The following DISC1 variants were observed in gnomAD, a reference collection of about 807,000 sequenced individuals.
The protein encoded by DISC1 is disrupted in schizophrenia 1 protein.
A neutral mutation model predicts 84.5 loss-of-function variants in DISC1; 57 were observed. The observed-to-expected ratio is 0.67, with a 90% CI of 0.55 to 0.84. The LOEUF (loss-of-function observed/expected upper bound fraction) is 0.84, where lower values mean the gene tolerates loss of function less well. DISC1 is among the 40% of genes least tolerant of loss of function. The probability of loss-of-function intolerance (pLI) is 0.00; values close to 1 mark genes in which losing one functional copy is unlikely to be tolerated. For synonymous variants in DISC1, 411 were observed against 415.2 expected (o/e 0.99, Z 0.12); for missense variants, 1,000 against 1,057.8 (o/e 0.95, Z 0.76).
chr1:231,795,489 G>A (rs902074086), intron 7 of DISC1, among the ~76,000 whole-genome samples, 193 bp downstream of exon 7: 5 of 152,192 alleles, frequency 3.3e-5, no homozygotes, highest in Non-Finnish European at 5.9e-5. Flanking sequence ...GTCTTGACTT[G>A]TGGACACCCC....
intron 9 of DISC1, among the ~76,000 whole-genome samples, chr1:231,945,945 G>A (rs1469314252): frequency 6.6e-6 from 1 of 152,136 alleles, no homozygotes; most frequent in Admixed American, 6.6e-5. Flanking sequence ...CTAATAACAA[G>A]TTATGAAATT....
At chr1:232,000,933 G>A (rs919919872) in intron 10 of DISC1, among the ~76,000 whole-genome samples, 7 of 152,268 alleles carry the variant, frequency 4.6e-5, no homozygotes, top group African/African-American at 1.2e-4. Context: ...TTAGCTAGAT[G>A]AAATTCTCTG....
intron 8 of DISC1, among the ~76,000 whole-genome samples, chr1:231,810,791 G>A (rs1038773112): frequency 1.2e-4 from 18 of 152,190 alleles, no homozygotes; most frequent in South Asian, 8.3e-4. Context: ...AATTAGGGAA[G>A]CCATCAGTTA....
intron 7 of DISC1, among the ~76,000 whole-genome samples, chr1:231,799,587 C>A (rs941448893): frequency 2.6e-5 from 4 of 151,888 alleles, no homozygotes; most frequent in African/African-American, 7.3e-5. Flanking sequence ...CAGGCAGCGA[C>A]TGAGCAGTCT....
chr1:232,009,567 G>T lies in DISC1; in HGVS notation c.2307+518G>T, dbSNP rs1461627978. The stretch of plus-strand genomic sequence containing the variant: ...GTTTTTACCAAAACCAGATCATAAT[G>T]AATGTTTATAATGTTCTTCTTTCAT... On this transcript the variant is annotated intron_variant, in intron 11 of 12. Transcript: ENST00000439617. This position sits in a 1 kb window ranked among gnomAD's most constrained non-coding sequence, Gnocchi z 4.6. The T allele has an allele frequency of 1.1e-6, 1 of 920,720 alleles. No homozygotes were observed. The highest frequency in any genetic ancestry group is 1.3e-6 in the Non-Finnish European group (1 of 771,352). 57.0% of individuals were successfully genotyped at this position (920,720 alleles called of 1,614,324 possible).
Position 231,694,622 on chromosome 1 carries a change from G to A in DISC1, c.864G>A (p.Glu288=). The A allele has an allele frequency of 6.2e-7, 1 of 1,614,258 alleles. No individual in the cohort carries two copies. Among genetic ancestry groups the A allele is most frequent in the Non-Finnish European group, 8.5e-7 (1 of 1,180,048 alleles). The change falls in exon 2 of 13, where the codon GAG becomes GAA. Residue 288 remains glutamate, a synonymous_variant. Transcript: ENST00000439617. The part of the protein sequence containing the change: ...AQAARNSSRP[E]RDMHSLPDMD... ...CCGCAAGGAACAGCTCCAGGCCAGAGCGTGACATGCATTCTTTACCAGACA... is the reference window on the plus strand; with the variant it reads ...CCGCAAGGAACAGCTCCAGGCCAGAACGTGACATGCATTCTTTACCAGACA...
Position 232,009,042 on chromosome 1 carries a change from A to G in DISC1, c.2300A>G (p.Gln767Arg). 6.2e-7 allele frequency: 1 copy of G among 1,613,882 alleles called. No individual in the cohort carries two copies. Among genetic ancestry groups the G allele is most frequent in the Non-Finnish European group, 8.5e-7 (1 of 1,179,814 alleles). The change falls in exon 11 of 13, where the codon CAG (glutamine) becomes CGG (arginine). Residue 767 changes from glutamine to arginine, a missense_variant. Coordinates refer to ENST00000439617, the MANE Select transcript of DISC1 (RefSeq NM_018662.3). The surrounding 1 kb of genome is among the most constrained non-coding windows in gnomAD (Gnocchi z 4.6). The stretch of plus-strand genomic sequence containing the variant: ...TCTCTGCACTGTGCTGGAGGTGAAC[A>G]GAAAGAGGTCTGTCCTTTTCACATG... ...IPSLHCAGGE[Q>R]KEESYILSAE...
At chr1:231,701,929 AT>A in intron 2 of DISC1, 25 bp from the exon 3 acceptor site, 1 of 1,562,766 alleles carries the variant, frequency 6.4e-7, no homozygotes. Flanking sequence ...GTAATTTTTT[AT>A]TTTTTCCCCT....
At chr1:231,652,953 T>C (rs577115520) in intron 1 of DISC1, among the ~76,000 whole-genome samples, 2 of 152,176 alleles carry the variant, frequency 1.3e-5, no homozygotes, top group Non-Finnish European at 2.9e-5. Flanking sequence ...CTAATTTTTG[T>C]ATTTTTAATA....
intron 10 of DISC1, among the ~76,000 whole-genome samples, chr1:232,001,929 G>T (rs2102967597): frequency 6.6e-6 from 1 of 152,282 alleles, no homozygotes; most frequent in Admixed American, 6.5e-5. Flanking sequence ...AAAGATTCAT[G>T]TGAAGAAGAT....
rs71162205 is a variant in DISC1 at position 231,999,813 on chromosome 1, A to AAACAACAACAAC, written c.2043-8948_2043-8937dup. Among the ~76,000 whole-genome samples, 491 of 150,558 alleles carry AAACAACAACAAC rather than the reference A, an allele frequency of 3.3e-3. 1 individual carries two copies. Among genetic ancestry groups the AAACAACAACAAC allele is most frequent in the South Asian group, 5.1e-3 (24 of 4,700 alleles). On this transcript the variant is annotated intron_variant, in intron 10 of 12. Transcript: ENST00000439617. Reference sequence around the variant, plus strand: ...CTAGAGCCAGATGAATCAAGCAGAAAAACAACAACAACAACAACAACAACA... The same window carrying AAACAACAACAAC: ...CTAGAGCCAGATGAATCAAGCAGAAAAACAACAACAACAACAACAACAACAACAACAACAACA...
chr1:231,806,864 G>A (rs1013846529), intron 8 of DISC1, among the ~76,000 whole-genome samples: 31 of 152,238 alleles, frequency 2.0e-4, no homozygotes, highest in African/African-American at 7.2e-4. Flanking sequence ...GCCCTCTAGG[G>A]CCGAGAGTGT....
Position 231,935,058 on chromosome 1 carries a change from C to T in DISC1, c.1982-23770C>T, listed in dbSNP as rs570025192. On this transcript the variant is annotated intron_variant, in intron 9 of 12. Coordinates refer to ENST00000439617, the MANE Select transcript of DISC1 (RefSeq NM_018662.3). ...AGGGAGCTCTTGCCAAATGGGACAA[C>T]GAAGGATTGTGTTAAAGAGATTTCT... Among the ~76,000 whole-genome samples, 17 of 152,246 alleles carry T rather than the reference C, an allele frequency of 1.1e-4. No homozygotes were observed. The South Asian group carries it at 1.7e-3, about 15-fold the overall frequency.
chr1:231,694,154 T>C lies in DISC1; in HGVS notation c.396T>C (p.Leu132=). ...GTGGCACCAGATTGCCTGACAGGCTTAGCTGGCCGTGTGGCCCTGGGAGTG... is the reference window on the plus strand; with the variant it reads ...GTGGCACCAGATTGCCTGACAGGCTCAGCTGGCCGTGTGGCCCTGGGAGTG... ...LRGGTRLPDR[L]SWPCGPGSAG... is the part of the protein sequence containing the mutation. Residue 132 remains leucine (L), a synonymous_variant, in exon 2 of 13, where the codon CTT becomes CTC. Coordinates refer to ENST00000439617, the MANE Select transcript of DISC1 (RefSeq NM_018662.3). 6.2e-7 allele frequency: 1 copy of C among 1,614,216 alleles called. No individual in the cohort carries two copies. The highest frequency in any genetic ancestry group is 8.5e-7 in the Non-Finnish European group (1 of 1,180,030).
At chr1:231,853,165 G>T (rs1383547996) in intron 9 of DISC1, among the ~76,000 whole-genome samples, 1 of 152,128 alleles carries the variant, frequency 6.6e-6, no homozygotes, top group Non-Finnish European at 1.5e-5. Context: ...CTTTCTGGAG[G>T]TATTTAGACC....
At chr1:231,946,077 G>T (rs1094398) in intron 9 of DISC1, among the ~76,000 whole-genome samples, 51,247 of 151,868 alleles carry the variant, frequency 0.34, 9,990 homozygotes, top group East Asian at 0.74. Context: ...TTCCAAACAA[G>T]AGAAAAAGAG....
rs1670566937 is a variant in DISC1, at chr1:232,036,913, A to T, written c.*82A>T. The T allele has an allele frequency of 1.4e-6, 2 of 1,391,204 alleles. No homozygotes were observed. Among genetic ancestry groups the T allele is most frequent in the Non-Finnish European group, 1.9e-6 (2 of 1,049,730 alleles). 86.2% of individuals were successfully genotyped at this position (1,391,204 alleles called of 1,614,324 possible). A position where few individuals can be genotyped will look rare whatever the true frequency, so the allele number is the denominator to read the frequency against. Reference sequence around the variant, plus strand: ...TCTTCCCTCCCCCGCCATAGCTAAGATGCCTGAATCAATTACGGAGATACA... The same window carrying T: ...TCTTCCCTCCCCCGCCATAGCTAAGTTGCCTGAATCAATTACGGAGATACA... On this transcript the variant is annotated 3_prime_UTR_variant, in exon 13 of 13. Coordinates refer to ENST00000439617, the MANE Select transcript of DISC1 (RefSeq NM_018662.3).
chr1:231,938,282 C>A (rs371780565), intron 9 of DISC1, among the ~76,000 whole-genome samples: 2 of 152,198 alleles, frequency 1.3e-5, no homozygotes, highest in African/African-American at 4.8e-5. Flanking sequence ...CACATGAGCC[C>A]GTACAAGTGG....
chr1:231,677,016 G>T (rs1251469573), intron 1 of DISC1, among the ~76,000 whole-genome samples: 2 of 152,192 alleles, frequency 1.3e-5, no homozygotes, highest in Non-Finnish European at 2.9e-5. Context: ...TTAAGGAAAA[G>T]GAGAGATTGT....
Sources: gnomAD v4.1 joint callset for allele counts (sites outside exome capture counted in the v4.1 genomes callset) on GRCh38, gnomAD v4.1.1 for gene constraint, Gnocchi (gnomAD v3.1) non-coding constraint, MANE v1.5 for transcripts, NCBI Gene and HGNC (gene_info 2026-07-23, HGNC 2026-07-21) for gene names.